Variants in ESR2 observed in about 807,000 individuals in gnomAD.
ESR2 encodes the protein estrogen receptor 2, also known as estrogen receptor beta.
ESR2 carries 36 observed loss-of-function variants against 49.6 expected under a neutral mutation model. The observed-to-expected ratio is 0.73, with a 90% CI of 0.56 to 0.96. The LOEUF (loss-of-function observed/expected upper bound fraction) is 0.96, where lower values mean the gene tolerates loss of function less well. ESR2 is among the 40% of genes least tolerant of loss of function. The pLI, the probability that ESR2 is intolerant of heterozygous loss-of-function variation, is 0.00. For missense variants in ESR2, 714 were observed against 693.0 expected, an observed-to-expected ratio of 1.03 and a Z score of -0.34; for synonymous variants, 320 against 266.1, an observed-to-expected ratio of 1.20 and a Z score of -1.97.
Position 64,230,590 on chromosome 14 carries a change from G to A in ESR2, c.*2547C>T, listed in dbSNP as rs1287256310. Among the ~76,000 whole-genome samples, 2 of 151,944 alleles carry A rather than the reference G, an allele frequency of 1.3e-5. No individual in the cohort carries two copies. Among genetic ancestry groups the A allele is most frequent in the Non-Finnish European group, 2.9e-5 (2 of 67,978 alleles). On this transcript the variant is annotated 3_prime_UTR_variant, in exon 9 of 9. Transcript: ENST00000341099. Reference sequence around the variant, plus strand: ...GACTAGGCTGACAGCTTTGTCTTGTGTTCCCGCCTTAATTTTTTGAGAAAA... The same window carrying A: ...GACTAGGCTGACAGCTTTGTCTTGTATTCCCGCCTTAATTTTTTGAGAAAA...
rs147918594 is a variant in ESR2, at chr14:64,279,135, G to T, written c.535+846C>A. 5.1e-3 allele frequency among the ~76,000 whole-genome samples: 783 copies of T among 152,272 alleles called. 9 individuals are homozygous for T. Among genetic ancestry groups the T allele is most frequent in the African/African-American group, 0.018 (748 of 41,544 alleles). ...TTGCCAATCAGAAAATCTTTGAACTGCCTGTGACTTGGAAGCCCCTGCTTT... is the reference window on the plus strand; with the variant it reads ...TTGCCAATCAGAAAATCTTTGAACTTCCTGTGACTTGGAAGCCCCTGCTTT... On this transcript the variant is annotated intron_variant, in intron 3 of 8. Transcript: ENST00000341099.
chr14:64,333,889 T>A (rs929147381), intron 1 of ESR2, among the ~76,000 whole-genome samples: 20 of 152,220 alleles, frequency 1.3e-4, no homozygotes, highest in African/African-American at 4.8e-4. Context: ...GAAGGCATTT[T>A]AAAAATTATT....
chr14:64,270,587 T>C (rs1222650672), intron 3 of ESR2, among the ~76,000 whole-genome samples: 5 of 152,158 alleles, frequency 3.3e-5, no homozygotes, highest in African/African-American at 9.7e-5. Context: ...CTCGACTCAC[T>C]GCAACCTCTG....
intron 7 of ESR2, 57 bp downstream of exon 7, chr14:64,249,489 G>A: frequency 6.4e-7 from 1 of 1,571,020 alleles, no homozygotes; most frequent in Non-Finnish European, 8.7e-7. Context: ...TATCACGCTA[G>A]TTGTAGAAAC....
At chr14:64,318,503 C>G (rs1217256189) in intron 1 of ESR2, among the ~76,000 whole-genome samples, 7 of 121,030 alleles carry the variant, frequency 5.8e-5, no homozygotes, top group Non-Finnish European at 9.6e-5. Flanking sequence ...TGCCACCACA[C>G]TCTAGCCTGG....
intron 6 of ESR2, among the ~76,000 whole-genome samples, chr14:64,256,335 T>C (rs1380304490): frequency 6.6e-6 from 1 of 152,234 alleles, no homozygotes; most frequent in Admixed American, 6.5e-5. Flanking sequence ...ACAACCAAGA[T>C]ACAGCATCAT....
chr14:64,322,864 A>T (rs949057779), intron 1 of ESR2, among the ~76,000 whole-genome samples: 6 of 152,230 alleles, frequency 3.9e-5, no homozygotes, highest in Non-Finnish European at 7.3e-5. Flanking sequence ...GTAGTGACCA[A>T]AAGAAGGAAA....
chr14:64,334,455 C>G (rs1275065514), intron 1 of ESR2, among the ~76,000 whole-genome samples: 2 of 152,150 alleles, frequency 1.3e-5, no homozygotes, highest in Non-Finnish European at 2.9e-5. Context: ...TTGATATGTT[C>G]TCATGACAAG....
chr14:64,299,046 T>C (rs2076991939), upstream of ESR2, among the ~76,000 whole-genome samples: 1 of 151,804 alleles, frequency 6.6e-6, no homozygotes, highest in African/African-American at 2.4e-5. Flanking sequence ...AATTGTAATA[T>C]GCAATTTCAC....
intron 4 of ESR2, among the ~76,000 whole-genome samples, chr14:64,265,933 TAAG>T (rs1302831990): frequency 6.6e-6 from 1 of 152,190 alleles, no homozygotes; most frequent in Non-Finnish European, 1.5e-5. Context: ...GGAAGGCAGA[TAAG>T]AAGAGTGATG....
In ESR2 at chr14:64,279,996, T is replaced by TA; in HGVS notation, c.519dup (p.Lys174Ter). 1.9e-6 allele frequency: 3 copies of TA among 1,613,574 alleles called. No homozygotes were observed. The highest frequency in any genetic ancestry group is 2.5e-6 in the Non-Finnish European group (3 of 1,179,592). On this transcript the variant is annotated frameshift_variant, in exon 3 of 9. Transcript: ENST00000341099. LOFTEE classifies it high-confidence loss of function. ...TCTCTTGTACCTTGAATGCTTCTTT[T>TA]AAAAAAGGCCTTACATCCTTCACAC... is the stretch of plus-strand genomic sequence containing the variant.
intron 5 of ESR2, 72 bp from the exon 6 acceptor site, chr14:64,257,436 T>C: frequency 1.3e-6 from 2 of 1,574,414 alleles, no homozygotes; most frequent in Non-Finnish European, 1.7e-6. Context: ...AGAGACAGAA[T>C]GGCAAGTGTT....
chr14:64,323,197 C>T (rs1056010609), intron 1 of ESR2, among the ~76,000 whole-genome samples: 8 of 152,024 alleles, frequency 5.3e-5, no homozygotes, highest in Admixed American at 2.0e-4. Context: ...GGGGTAGGCA[C>T]ATGTTATTTT....
intron 1 of ESR2, among the ~76,000 whole-genome samples, chr14:64,302,309 C>A (rs1263351098): frequency 3.3e-5 from 5 of 151,842 alleles, no homozygotes; most frequent in Non-Finnish European, 7.4e-5. Context: ...GCCTCGGCCT[C>A]CCAAATAGCT....
At chr14:64,325,743 G>GA in intron 1 of ESR2, among the ~76,000 whole-genome samples, 1 of 152,040 alleles carries the variant, frequency 6.6e-6, no homozygotes, top group East Asian at 1.9e-4. Flanking sequence ...AAGACGATGA[G>GA]AATGAAGACC....
chr14:64,270,329 C>G (rs2076415406), intron 3 of ESR2, among the ~76,000 whole-genome samples: 1 of 152,278 alleles, frequency 6.6e-6, no homozygotes, highest in East Asian at 1.9e-4. Flanking sequence ...GAAAGGAGGA[C>G]TGTCCCACCT....
At chr14:64,295,310 G>T (rs181339305), upstream of ESR2, among the ~76,000 whole-genome samples, 2 of 152,092 alleles carry the variant, frequency 1.3e-5, no homozygotes, top group Non-Finnish European at 1.5e-5. Context: ...AGGAAGACGA[G>T]GGGGGGCATT....
upstream of ESR2, among the ~76,000 whole-genome samples, chr14:64,297,015 C>A (rs968769577): frequency 6.6e-6 from 1 of 152,106 alleles, no homozygotes; most frequent in Non-Finnish European, 1.5e-5. Flanking sequence ...AATGGCTAGA[C>A]CAAAAAGCCC....
At chr14:64,305,087 G>C (rs898676198) in intron 1 of ESR2, among the ~76,000 whole-genome samples, 1 of 151,548 alleles carries the variant, frequency 6.6e-6, no homozygotes, top group Non-Finnish European at 1.5e-5. Context: ...TCAGGAGATC[G>C]AGACCAACCT....
Sources: gnomAD v4.1 joint callset for allele counts (sites outside exome capture counted in the v4.1 genomes callset) on GRCh38, gnomAD v4.1.1 for gene constraint, MANE v1.5 for transcripts, NCBI Gene and HGNC (gene_info 2026-07-23, HGNC 2026-07-21) for gene names.